Variants in EBF1 observed in about 807,000 individuals in gnomAD.
EBF1 encodes EBF transcription factor 1.
EBF1 carries 10 observed loss-of-function variants against 68.4 expected under a neutral mutation model. That is an observed-to-expected ratio of 0.15 (90% CI 0.09 to 0.25). EBF1 has a LOEUF of 0.25. Among genes scored for constraint, EBF1 ranks in the 10% least tolerant of loss-of-function variants. EBF1 has a pLI of 1.00. For missense variants in EBF1, 509 were observed against 794.4 expected (o/e 0.64, Z 4.32); for synonymous variants, 298 against 299.8 (o/e 0.99, Z 0.06).
chr5:158,989,308 C>A (rs920118361), intron 6 of EBF1, among the ~76,000 whole-genome samples: 13 of 152,204 alleles, frequency 8.5e-5, no homozygotes, highest in African/African-American at 3.1e-4. Flanking sequence ...TAGTTTTTAA[C>A]ACAATGCACA....
intron 6 of EBF1, among the ~76,000 whole-genome samples, chr5:158,905,974 G>T (rs1804495807): frequency 1.3e-5 from 2 of 152,136 alleles, no homozygotes; most frequent in African/African-American, 4.8e-5. Context: ...TCGTTAACAG[G>T]AGTTATTTAT....
chr5:158,970,008 C>CTTTT (rs1179620705), intron 6 of EBF1, among the ~76,000 whole-genome samples: 3 of 151,876 alleles, frequency 2.0e-5, no homozygotes, highest in African/African-American at 7.3e-5. Context: ...AAATCTGCCC[C>CTTTT]TTTTTAGGCA....
At chr5:158,920,168 T>C (rs141245566) in intron 6 of EBF1, among the ~76,000 whole-genome samples, 1,606 of 151,730 alleles carry the variant, frequency 0.011, 24 homozygotes, top group African/African-American at 0.036. Context: ...TGTGTGTGTG[T>C]GTATGTGTGT....
chr5:159,019,437 ATAAG>A (rs1369465719), intron 6 of EBF1, among the ~76,000 whole-genome samples: 1 of 152,258 alleles, frequency 6.6e-6, no homozygotes, highest in Non-Finnish European at 1.5e-5. Context: ...TAAATGAAAA[ATAAG>A]TAATAATTTA....
At chr5:158,963,908 A>G (rs893863922) in intron 6 of EBF1, among the ~76,000 whole-genome samples, 2 of 152,190 alleles carry the variant, frequency 1.3e-5, no homozygotes, top group African/African-American at 4.8e-5. Flanking sequence ...AGACAATAAT[A>G]TCCTGCACCC....
At chr5:159,040,365 CA>C (rs1770942410) in intron 6 of EBF1, among the ~76,000 whole-genome samples, 2 of 152,294 alleles carry the variant, frequency 1.3e-5, no homozygotes, top group East Asian at 3.9e-4. Flanking sequence ...AGGCCACCAC[CA>C]AAATGGCTAT....
chr5:158,835,340 T>C (rs1788523680), intron 7 of EBF1, among the ~76,000 whole-genome samples: 1 of 152,212 alleles, frequency 6.6e-6, no homozygotes, highest in South Asian at 2.1e-4. Flanking sequence ...CTTTACAGGT[T>C]AAGTGAAGTT....
At chr5:159,031,571 G>A (rs925051241) in intron 6 of EBF1, among the ~76,000 whole-genome samples, 1 of 152,218 alleles carries the variant, frequency 6.6e-6, no homozygotes, top group Non-Finnish European at 1.5e-5. Flanking sequence ...ATGGAGCTGG[G>A]AGAAGGGGAG....
rs1409281169 is a variant in EBF1, at chr5:158,697,515, A to C, written c.*1596T>G. 3.3e-5 allele frequency: 7 copies of C among 209,778 alleles called. No individual in the cohort carries two copies. The highest frequency in any genetic ancestry group is 6.8e-5 in the Non-Finnish European group (7 of 103,216). The allele number at this position is 209,778 out of a possible 1,614,324, so 13.0% of individuals were successfully genotyped here. Reference sequence around the variant, plus strand: ...AATAAAATAAATTGGGGGTGGAAGGAAGAGGAAGAAGGGAAAAGCAATGTA... The same window carrying C: ...AATAAAATAAATTGGGGGTGGAAGGCAGAGGAAGAAGGGAAAAGCAATGTA... On this transcript the variant is annotated 3_prime_UTR_variant, in exon 16 of 16. Coordinates refer to ENST00000313708, the MANE Select transcript of EBF1 (RefSeq NM_024007.5).
intron 6 of EBF1, among the ~76,000 whole-genome samples, chr5:158,867,871 C>T (rs1050465127): frequency 1.3e-5 from 2 of 152,222 alleles, no homozygotes; most frequent in African/African-American, 4.8e-5. Flanking sequence ...GCTATTATGG[C>T]TCCTCTTTGA....
rs201389602 is a variant in EBF1, at chr5:158,712,994, C to G, written c.1345G>C (p.Glu449Gln). ...CCCTGATTGGTGGCTTGTGATGCCT[C>G]GGAGACATTCACGGCCAGTTGTCCA... ...FSGQLAVNVS[E>Q]ASQATNQGFT... The change falls in exon 13 of 16, where the codon GAG (glutamate) becomes CAG (glutamine). Residue 449 changes from glutamate (E) to glutamine (Q), a missense_variant. Physicochemically the swap from Glu to Gln is conservative, Grantham distance 29 (BLOSUM62 2). This residue lies in a region of EBF1 where 205 missense variants were observed against 247.4 expected (regional missense o/e 0.83). Transcript: ENST00000313708. 1 of 1,515,248 alleles carries G rather than the reference C, an allele frequency of 6.6e-7. No individual in the cohort carries two copies. Among genetic ancestry groups the G allele is most frequent in the South Asian group, 1.3e-5 (1 of 75,824 alleles). The allele number at this position is 1,515,248 out of a possible 1,614,324, so 93.9% of individuals were successfully genotyped here. A position where few individuals can be genotyped will look rare whatever the true frequency, so the allele number is the denominator to read the frequency against.
At chr5:158,911,039 A>G (rs912671674) in intron 6 of EBF1, among the ~76,000 whole-genome samples, 1 of 152,132 alleles carries the variant, frequency 6.6e-6, no homozygotes, top group Non-Finnish European at 1.5e-5. Context: ...CCGAGAGCCC[A>G]GCAGAGAGAA....
chr5:158,972,006 A>G (rs1289713501), intron 6 of EBF1, among the ~76,000 whole-genome samples: 1 of 152,246 alleles, frequency 6.6e-6, no homozygotes, highest in African/African-American at 2.4e-5. Context: ...CTTCCTCTTC[A>G]TCATTTTGCA....
At chr5:159,058,798 C>T (rs184807898) in intron 6 of EBF1, among the ~76,000 whole-genome samples, 125 of 152,286 alleles carry the variant, frequency 8.2e-4, no homozygotes, top group African/African-American at 2.8e-3. Context: ...TGCTTGAATT[C>T]GTAATTCATA....
At chr5:158,791,535 G>T (rs1327683142) in intron 9 of EBF1, among the ~76,000 whole-genome samples, 3 of 151,620 alleles carry the variant, frequency 2.0e-5, no homozygotes, top group Non-Finnish European at 4.4e-5. Context: ...AACCCTTGCA[G>T]CCTGGAATAT....
intron 15 of EBF1, among the ~76,000 whole-genome samples, chr5:158,704,348 T>TA (rs1340940421): frequency 6.6e-6 from 1 of 152,174 alleles, no homozygotes; most frequent in Admixed American, 6.5e-5. Flanking sequence ...GAGTCGGCTT[T>TA]AAAAAACAGA....
chr5:158,876,097 G>A (rs1582802595), intron 6 of EBF1, among the ~76,000 whole-genome samples: 1 of 152,116 alleles, frequency 6.6e-6, no homozygotes, highest in Non-Finnish European at 1.5e-5. Flanking sequence ...CCAAAAAACT[G>A]TTCCATGGCA....
chr5:158,796,167 A>T (rs1779579991), intron 9 of EBF1, among the ~76,000 whole-genome samples, 178 bp downstream of exon 9: 1 of 152,102 alleles, frequency 6.6e-6, no homozygotes, highest in Non-Finnish European at 1.5e-5. Context: ...TCCAGTAGTA[A>T]CTGTTGCCTC....
At chr5:158,730,362 G>GCTT (rs1763851178) in intron 11 of EBF1, among the ~76,000 whole-genome samples, 2 of 152,268 alleles carry the variant, frequency 1.3e-5, no homozygotes, top group South Asian at 4.1e-4. Context: ...AGTTCCTCAG[G>GCTT]TACAGGGATG....
Sources: allele counts gnomAD v4.1 joint callset (sites outside exome capture counted in the v4.1 genomes callset), GRCh38; gene constraint gnomAD v4.1.1; regional missense constraint gnomAD v4.1.1; transcripts MANE v1.5; gene names NCBI Gene and HGNC (gene_info 2026-07-23, HGNC 2026-07-21).